TBCA: variants seen among roughly 807,000 people sequenced by gnomAD.
The protein encoded by TBCA is tubulin-specific chaperone A.
A neutral mutation model predicts 15.8 loss-of-function variants in TBCA; 6 were observed. That is an observed-to-expected ratio of 0.38 (90% CI 0.21 to 0.75). The LOEUF is 0.75. Ranked by LOEUF, TBCA falls within the 30% of genes least tolerant of loss-of-function variation. The probability of loss-of-function intolerance (pLI) is 0.46; values close to 1 mark genes in which losing one functional copy is unlikely to be tolerated. For synonymous variants in TBCA, 32 were observed against 42.3 expected (o/e 0.76, Z 0.94); for missense variants, 90 against 131.2 (o/e 0.69, Z 1.53).
At chr5:77,726,209 C>T (rs975331584) in intron 1 of TBCA, among the ~76,000 whole-genome samples, 3 of 152,164 alleles carry the variant, frequency 2.0e-5, no homozygotes, top group African/African-American at 7.2e-5. Context: ...TTTTTAACTT[C>T]CAAAGAAGAG....
intron 1 of TBCA, among the ~76,000 whole-genome samples, chr5:77,761,204 TGTGGGGAAAA>T (rs998506374): frequency 1.3e-5 from 2 of 149,858 alleles, no homozygotes; most frequent in African/African-American, 2.5e-5. Context: ...AAGGGGGAAA[TGTGGGGAAAA>T]GAAAGAGAGA....
intron 1 of TBCA, among the ~76,000 whole-genome samples, chr5:77,744,058 C>T (rs938692649): frequency 5.3e-5 from 8 of 152,266 alleles, no homozygotes; most frequent in African/African-American, 1.2e-4. Flanking sequence ...CCCAACTCCA[C>T]GGACCCTAAA....
At chr5:77,696,929 A>G (rs1745884829) in intron 2 of TBCA, among the ~76,000 whole-genome samples, 1 of 152,220 alleles carries the variant, frequency 6.6e-6, no homozygotes, top group Non-Finnish European at 1.5e-5. Context: ...TAAAAAGCCA[A>G]TAAATCAGGA....
chr5:77,773,289 T>C (rs1747952251), intron 1 of TBCA, among the ~76,000 whole-genome samples: 1 of 152,200 alleles, frequency 6.6e-6, no homozygotes, highest in African/African-American at 2.4e-5. Flanking sequence ...TTTGAAACCT[T>C]GGTCCTTTTC....
intron 2 of TBCA, among the ~76,000 whole-genome samples, chr5:77,707,516 C>T (rs1746177200): frequency 6.6e-6 from 1 of 151,980 alleles, no homozygotes. Context: ...AGGGCATGTT[C>T]AGGGAGCTAT....
At chr5:77,697,378 CCAA>C (rs1745896177) in intron 2 of TBCA, among the ~76,000 whole-genome samples, 2 of 151,988 alleles carry the variant, frequency 1.3e-5, no homozygotes, top group Admixed American at 6.6e-5. Context: ...TCAAAAAACC[CCAA>C]CAATAACAAA....
At chr5:77,760,843 C>T (rs1368253130) in intron 1 of TBCA, among the ~76,000 whole-genome samples, 1 of 152,192 alleles carries the variant, frequency 6.6e-6, no homozygotes, top group African/African-American at 2.4e-5. Context: ...CGGCTGCCAC[C>T]CCGTCTAGGA....
intron 2 of TBCA, among the ~76,000 whole-genome samples, chr5:77,707,727 G>C (rs1746181322): frequency 6.6e-6 from 1 of 151,978 alleles, no homozygotes; most frequent in African/African-American, 2.4e-5. Flanking sequence ...TCAGTGTGGA[G>C]ACAATATTTG....
intron 1 of TBCA, among the ~76,000 whole-genome samples, chr5:77,730,674 T>C (rs1360783378): frequency 6.6e-6 from 1 of 152,094 alleles, no homozygotes; most frequent in African/African-American, 2.4e-5. Flanking sequence ...GTTTCAACTC[T>C]TGGAACCTTT....
rs1481084894 is a variant in TBCA, at chr5:77,698,024, A to G, written c.160-4672T>C. ...AGTCTCAGCTACTTGGGAGGCCAAA[A>G]TGGGAGGGTTGCTTGAACCTGGGAG... On this transcript the variant is annotated intron_variant, in intron 2 of 3. Transcript: ENST00000380377. Among the ~76,000 whole-genome samples, 3 of 151,856 alleles carry G rather than the reference A, an allele frequency of 2.0e-5. No individual in the cohort carries two copies. In the East Asian group the frequency reaches 5.8e-4, roughly 29 times the overall value.
chr5:77,691,699 T>TG (rs1422039644), intron 3 of TBCA: 1 of 1,318,586 alleles, frequency 7.6e-7, no homozygotes, highest in African/African-American at 1.5e-5. Context: ...AAATAACTGG[T>TG]GGTTTTGTTT....
chr5:77,705,292 G>A (rs554984139), intron 2 of TBCA, among the ~76,000 whole-genome samples: 3 of 152,154 alleles, frequency 2.0e-5, no homozygotes, highest in Non-Finnish European at 4.4e-5. Flanking sequence ...AAAAAAAGCA[G>A]GGCAAAGAAA....
intron 2 of TBCA, among the ~76,000 whole-genome samples, chr5:77,696,768 ATTAGG>A (rs911896780): frequency 1.3e-5 from 2 of 152,148 alleles, no homozygotes; most frequent in African/African-American, 2.4e-5. Context: ...AAAAATAAAA[ATTAGG>A]TGAGTGTGGT....
chr5:77,717,510 T>G (rs560441460), intron 1 of TBCA, among the ~76,000 whole-genome samples: 1 of 152,346 alleles, frequency 6.6e-6, no homozygotes, highest in South Asian at 2.1e-4. Context: ...AAAGTCTGTA[T>G]TTCACACTTA....
chr5:77,698,803 A>G (rs1189981123), intron 2 of TBCA, among the ~76,000 whole-genome samples: 2 of 152,186 alleles, frequency 1.3e-5, no homozygotes, highest in Non-Finnish European at 2.9e-5. Context: ...ACCAGTATCA[A>G]GTGGGATTCA....
chr5:77,728,443 A>C (rs191429237), intron 1 of TBCA, among the ~76,000 whole-genome samples: 152 of 152,320 alleles, frequency 1.0e-3, no homozygotes, highest in African/African-American at 3.3e-3. Flanking sequence ...CCAGTATTAT[A>C]AACAGCAAGC....
intron 1 of TBCA, among the ~76,000 whole-genome samples, chr5:77,752,230 C>T (rs986878349): frequency 1.7e-4 from 26 of 152,144 alleles, no homozygotes; most frequent in Non-Finnish European, 3.4e-4. Context: ...TTACATTATA[C>T]CATATGGTTT....
chr5:77,707,134 G>A (rs1163353003), intron 2 of TBCA, among the ~76,000 whole-genome samples: 6 of 151,884 alleles, frequency 4.0e-5, no homozygotes, highest in Admixed American at 3.9e-4. Flanking sequence ...AGGGAAAAAA[G>A]AGTAATAACA....
intron 1 of TBCA, among the ~76,000 whole-genome samples, chr5:77,730,179 T>C (rs1746733098): frequency 6.6e-6 from 1 of 152,218 alleles, no homozygotes; most frequent in African/African-American, 2.4e-5. Context: ...AATGTGATCT[T>C]CTTTGGAAAT....
Sources: gnomAD v4.1 joint callset for allele counts (sites outside exome capture counted in the v4.1 genomes callset) on GRCh38, gnomAD v4.1.1 for gene constraint, MANE v1.5 for transcripts, NCBI Gene and HGNC (gene_info 2026-07-23, HGNC 2026-07-21) for gene names.